The following PTPRG variants were observed in gnomAD, a reference collection of about 807,000 sequenced individuals.
The protein encoded by PTPRG is receptor-type tyrosine-protein phosphatase gamma.
In PTPRG, 102 loss-of-function variants were observed where a neutral mutation model predicts 165.3. That is an observed-to-expected ratio of 0.62 (90% CI 0.53 to 0.73). The LOEUF is 0.73. PTPRG is among the 30% of genes least tolerant of loss of function. PTPRG has a pLI of 0.00. For missense variants in PTPRG, 1,866 were observed against 1,861.4 expected (o/e 1.00, Z -0.05); for synonymous variants, 675 against 669.5 (o/e 1.01, Z -0.13).
intron 2 of PTPRG, among the ~76,000 whole-genome samples, chr3:61,934,760 A>G (rs193131775): frequency 2.6e-5 from 4 of 152,284 alleles, no homozygotes; most frequent in African/African-American, 9.6e-5. Context: ...TGGGACATGT[A>G]GTCTTAAACT....
At chr3:62,235,287 G>A (rs1357901108) in intron 14 of PTPRG, among the ~76,000 whole-genome samples, 1 of 152,108 alleles carries the variant, frequency 6.6e-6, no homozygotes, top group Non-Finnish European at 1.5e-5. Context: ...CCTCAGTCCA[G>A]ATGTTCAGAA....
At chr3:61,919,276 G>A (rs983343896) in intron 2 of PTPRG, among the ~76,000 whole-genome samples, 4 of 152,198 alleles carry the variant, frequency 2.6e-5, no homozygotes, top group Non-Finnish European at 5.9e-5. Context: ...GGTTGATCAT[G>A]CACAGTTAAG....
chr3:61,926,286 G>A (rs2039209028), intron 2 of PTPRG, among the ~76,000 whole-genome samples: 1 of 152,066 alleles, frequency 6.6e-6, no homozygotes, highest in Non-Finnish European at 1.5e-5. Context: ...ATTGGTTCAT[G>A]GGGGTGGCTT....
chr3:61,676,605 T>C (rs995316723), intron 1 of PTPRG, among the ~76,000 whole-genome samples: 4 of 151,992 alleles, frequency 2.6e-5, no homozygotes, highest in African/African-American at 9.7e-5. Context: ...TATTGCCCGA[T>C]GTCTTGGCGC....
rs375658040 is a variant in PTPRG at position 62,274,660 on chromosome 3, T to A, written c.3465+816T>A. The stretch of plus-strand genomic sequence containing the variant: ...CTTTCCATAGACTGAAACTTTCATT[T>A]GAATCTCAGCTGAAGAAATGAGACT... On this transcript the variant is annotated intron_variant, in intron 23 of 29. Transcript: ENST00000474889. Among the ~76,000 whole-genome samples, 457 of 152,312 alleles carry A rather than the reference T, an allele frequency of 3.0e-3. 2 individuals are homozygous for A. Among genetic ancestry groups the A allele is most frequent in the African/African-American group, 0.01 (430 of 41,578 alleles).
intron 17 of PTPRG, among the ~76,000 whole-genome samples, chr3:62,267,170 TAC>T (rs756741672): frequency 4.9e-4 from 74 of 152,164 alleles, no homozygotes; most frequent in Non-Finnish European, 8.4e-4. Context: ...GGCTTTAAAA[TAC>T]AGAGGACTAC....
At chr3:61,693,681 C>G (rs2030367323) in intron 1 of PTPRG, among the ~76,000 whole-genome samples, 2 of 152,156 alleles carry the variant, frequency 1.3e-5, no homozygotes, top group South Asian at 4.1e-4. Context: ...AAATCTGACT[C>G]CAGGCTTGTG....
chr3:62,016,284 C>T (rs1049222665), intron 4 of PTPRG, among the ~76,000 whole-genome samples: 6 of 152,182 alleles, frequency 3.9e-5, no homozygotes, highest in African/African-American at 1.2e-4. Flanking sequence ...TCTCCTGCTT[C>T]TGCCTCCTGA....
At chr3:61,931,342 C>T (rs1038604928) in intron 2 of PTPRG, among the ~76,000 whole-genome samples, 7 of 152,138 alleles carry the variant, frequency 4.6e-5, no homozygotes, top group Non-Finnish European at 8.8e-5. Context: ...ACTTTGCTGC[C>T]GTTTTTCTGG....
chr3:62,275,561 C>A (rs1702203398), intron 23 of PTPRG, among the ~76,000 whole-genome samples: 1 of 152,116 alleles, frequency 6.6e-6, no homozygotes, highest in Admixed American at 6.5e-5. Context: ...CCTGTAATCC[C>A]AGAGCAGCCT....
chr3:61,577,517 G>C (rs945925632), intron 1 of PTPRG, among the ~76,000 whole-genome samples: 2 of 152,152 alleles, frequency 1.3e-5, no homozygotes, highest in East Asian at 3.8e-4. Context: ...AAAAGAATGT[G>C]AAATATCTCA....
intron 4 of PTPRG, among the ~76,000 whole-genome samples, chr3:62,034,253 G>T (rs1022554124): frequency 9.9e-5 from 15 of 152,160 alleles, no homozygotes; most frequent in African/African-American, 3.6e-4. Context: ...TTTTCAATCT[G>T]CATTTGTTTG....
intron 1 of PTPRG, among the ~76,000 whole-genome samples, chr3:61,607,093 T>TG (rs1701031974): frequency 6.6e-6 from 1 of 152,214 alleles, no homozygotes; most frequent in Non-Finnish European, 1.5e-5. Flanking sequence ...GAAGGAGCTT[T>TG]GGGCAGGTAA....
At chr3:62,076,031 G>T (rs962275577) in intron 4 of PTPRG, among the ~76,000 whole-genome samples, 10 of 152,124 alleles carry the variant, frequency 6.6e-5, no homozygotes, top group Admixed American at 1.3e-4. Context: ...ATCTCAACAC[G>T]TTGGGAGGCC....
At chr3:62,044,412 G>C (rs1037368370) in intron 4 of PTPRG, among the ~76,000 whole-genome samples, 3 of 152,132 alleles carry the variant, frequency 2.0e-5, no homozygotes, top group African/African-American at 7.2e-5. Context: ...GGTGGCACAT[G>C]CCTGTAGTCC....
chr3:61,738,047 T>C (rs2032789662), intron 1 of PTPRG, among the ~76,000 whole-genome samples: 1 of 150,546 alleles, frequency 6.6e-6, no homozygotes, highest in African/African-American at 2.4e-5. Context: ...TAGTTGGGAC[T>C]ACAGGCGCCC....
chr3:61,813,892 T>TC (rs1256883273), intron 2 of PTPRG, among the ~76,000 whole-genome samples: 14 of 147,168 alleles, frequency 9.5e-5, no homozygotes, highest in Non-Finnish European at 1.8e-4. Flanking sequence ...GATACTGGCT[T>TC]TTTTTTTTTT....
intron 2 of PTPRG, among the ~76,000 whole-genome samples, chr3:61,958,254 C>A (rs1287168169): frequency 6.6e-6 from 1 of 152,004 alleles, no homozygotes; most frequent in African/African-American, 2.4e-5. Context: ...AGTCTCCCAA[C>A]CAGCTGGGAC....
At chr3:61,646,548 T>C (rs904698097) in intron 1 of PTPRG, among the ~76,000 whole-genome samples, 3 of 152,334 alleles carry the variant, frequency 2.0e-5, no homozygotes, top group African/African-American at 7.2e-5. Flanking sequence ...CCCCCAATGA[T>C]GCATTCTATA....
Sources: gnomAD v4.1 joint callset for allele counts (sites outside exome capture counted in the v4.1 genomes callset) on GRCh38, gnomAD v4.1.1 for gene constraint, MANE v1.5 for transcripts, NCBI Gene and HGNC (gene_info 2026-07-23, HGNC 2026-07-21) for gene names.